Variants in RPS6KA2 observed in about 807,000 individuals in gnomAD.
RPS6KA2 encodes ribosomal protein S6 kinase A2, also known as ribosomal protein S6 kinase alpha-2.
A neutral mutation model predicts 91.8 loss-of-function variants in RPS6KA2; 42 were observed. That is an observed-to-expected ratio of 0.46 (90% CI 0.36 to 0.59). RPS6KA2 has a LOEUF of 0.59. Among genes scored for constraint, RPS6KA2 ranks in the 20% least tolerant of loss-of-function variants. The pLI, the probability that RPS6KA2 is intolerant of heterozygous loss-of-function variation, is 0.00. For missense variants in RPS6KA2, 798 were observed against 978.5 expected (o/e 0.82, Z 2.46); for synonymous variants, 414 against 393.6 (o/e 1.05, Z -0.61).
At chr6:166,660,765 G>A (rs1219498962) in intron 2 of RPS6KA2, among the ~76,000 whole-genome samples, 4 of 152,034 alleles carry the variant, frequency 2.6e-5, no homozygotes, top group Admixed American at 1.3e-4. Context: ...GCGTTTCCTC[G>A]GGTTTTCTGA....
At position 166,773,347 on chromosome 6, in the gene RPS6KA2, T is replaced by C. The variant is rs532694795; in HGVS notation, c.123+84853A>G. On this transcript the variant is annotated intron_variant, in intron 2 of 21. Transcript: ENST00000503859. ...GAGTCAGAGCCCCCACAGGAAATCC[T>C]GACTCCTGAAGCAATCCACTTTTCT... Among the ~76,000 whole-genome samples, 4 of 152,266 alleles carry C rather than the reference T, an allele frequency of 2.6e-5. No homozygotes were observed. The South Asian group carries it at 8.3e-4, about 32-fold the overall frequency.
At chr6:166,836,714 C>A (rs1325449852) in intron 2 of RPS6KA2, among the ~76,000 whole-genome samples, 1 of 152,188 alleles carries the variant, frequency 6.6e-6, no homozygotes, top group Non-Finnish European at 1.5e-5. Context: ...TTGGTTCTAG[C>A]GTCTGGGCCA....
rs1425278574 is a variant in RPS6KA2, at chr6:166,825,724, G to A, written c.123+32476C>T. 6.6e-6 allele frequency among the ~76,000 whole-genome samples: 1 copy of A among 152,038 alleles called. No individual in the cohort carries two copies. Among genetic ancestry groups the A allele is most frequent in the Non-Finnish European group, 1.5e-5 (1 of 68,000 alleles). ...GTGGAAGTGGTGAGGGAGCTTTCTG[G>A]GGTCTCCTTTATAAGGGCACTAATC... On this transcript the variant is annotated intron_variant, in intron 2 of 21. Coordinates refer to the RPS6KA2 transcript ENST00000503859. The surrounding 1 kb of genome is among the most constrained non-coding windows in gnomAD (Gnocchi z 4.1).
chr6:166,467,101 A>C (rs1158527782), intron 11 of RPS6KA2, among the ~76,000 whole-genome samples: 412 of 87,952 alleles, frequency 4.7e-3, no homozygotes, highest in Middle Eastern at 0.028. Flanking sequence ...TTCACTCTCT[A>C]ACTCACTCCC....
At chr6:166,695,092 G>C (rs547299032) in intron 2 of RPS6KA2, among the ~76,000 whole-genome samples, 3 of 152,286 alleles carry the variant, frequency 2.0e-5, no homozygotes, top group African/African-American at 7.2e-5. Flanking sequence ...AGCAAATAAC[G>C]ACATAGACAA....
intron 2 of RPS6KA2, among the ~76,000 whole-genome samples, chr6:166,813,905 TTTATGTTTGATATTTAAGTAGAACTG>T (rs796202117): frequency 5.9e-5 from 9 of 152,340 alleles, no homozygotes; most frequent in African/African-American, 2.2e-4. Context: ...CTTCAGCACA[TTTATGTTTGATATTTAAGTAGAACTG>T]TCTTGCACTT....
chr6:166,662,202 G>A lies in RPS6KA2; in HGVS notation c.124-123418C>T, dbSNP rs530648740. Among the ~76,000 whole-genome samples, 47 of 152,256 alleles carry A rather than the reference G, an allele frequency of 3.1e-4. No individual in the cohort carries two copies. The highest frequency in any genetic ancestry group is 7.5e-4 in the African/African-American group (31 of 41,546). On this transcript the variant is annotated intron_variant, in intron 2 of 21. Transcript: ENST00000503859. The surrounding 1 kb of genome is among the most constrained non-coding windows in gnomAD (Gnocchi z 4.3). ...TTCTTTTTAATCTTTGAAGATTATC[G>A]TAGGTGTTGAATTCTCTGCTTCATG...
At chr6:166,462,057 C>T (rs1272786410) in intron 11 of RPS6KA2, among the ~76,000 whole-genome samples, 5 of 152,380 alleles carry the variant, frequency 3.3e-5, no homozygotes, top group East Asian at 3.9e-4. Flanking sequence ...ATAACAGCCC[C>T]ACCACACAGC....
chr6:166,707,210 G>A (rs780198439), intron 2 of RPS6KA2, among the ~76,000 whole-genome samples: 4 of 152,232 alleles, frequency 2.6e-5, no homozygotes, highest in African/African-American at 7.2e-5. Flanking sequence ...CGGGGTTGCC[G>A]GGAAGGGGGC....
rs116247207 is a variant in RPS6KA2, at chr6:166,486,928, G to A, written c.907+1905C>T. On this transcript the variant is annotated intron_variant, in intron 10 of 20. Transcript: ENST00000265678. ...GCAGCTCCCAAAACAAGAATTAACCGGCCCAAAATGCAGACGGTGCAGAGC... is the reference window on the plus strand; with the variant it reads ...GCAGCTCCCAAAACAAGAATTAACCAGCCCAAAATGCAGACGGTGCAGAGC... Among the ~76,000 whole-genome samples, 950 of 152,324 alleles carry A rather than the reference G, an allele frequency of 6.2e-3. 14 individuals carry two copies. Among genetic ancestry groups the A allele is most frequent in the African/African-American group, 0.022 (896 of 41,570 alleles).
intron 2 of RPS6KA2, among the ~76,000 whole-genome samples, chr6:166,833,893 CT>C: frequency 6.6e-6 from 1 of 151,364 alleles, no homozygotes; most frequent in South Asian, 2.1e-4. Flanking sequence ...TTCTTTCTTT[CT>C]TTCTTTTTTT....
At chr6:166,701,385 T>A (rs1479828645) in intron 2 of RPS6KA2, 2 of 1,363,860 alleles carry the variant, frequency 1.5e-6, no homozygotes, top group Non-Finnish European at 2.1e-6. Context: ...ACCTCTTCTT[T>A]AGGACTAACG....
intron 2 of RPS6KA2, among the ~76,000 whole-genome samples, chr6:166,777,989 T>C (rs1472189451): frequency 6.6e-6 from 1 of 152,232 alleles, no homozygotes; most frequent in Non-Finnish European, 1.5e-5. Context: ...ATAGCAATTT[T>C]TCCAAAGTCA....
chr6:166,596,932 G>A (rs371798578), intron 1 of RPS6KA2, among the ~76,000 whole-genome samples: 8 of 152,224 alleles, frequency 5.3e-5, no homozygotes, highest in African/African-American at 1.9e-4. Context: ...TAGGGGTGAG[G>A]GGGATTTCGA....
intron 10 of RPS6KA2, among the ~76,000 whole-genome samples, chr6:166,470,207 C>T (rs534163587): frequency 1.3e-5 from 2 of 152,352 alleles, no homozygotes; most frequent in African/African-American, 4.8e-5. Flanking sequence ...GTGACGGCTG[C>T]CTAGCACCCC....
Position 166,500,997 on chromosome 6 carries a change from G to T in RPS6KA2, c.567-73C>A, listed in dbSNP as rs1049401250. Reference sequence around the variant, plus strand: ...TGCCGACGGGCACGCAGAGCTCAGAGGAGAGCTGCGGGGCAGCTGGGGGCG... The same window carrying T: ...TGCCGACGGGCACGCAGAGCTCAGATGAGAGCTGCGGGGCAGCTGGGGGCG... On this transcript the variant is annotated intron_variant, in intron 6 of 20. Transcript: ENST00000265678. The surrounding 1 kb of genome is among the most constrained non-coding windows in gnomAD (Gnocchi z 4.3). The T allele has an allele frequency of 1.3e-5, 18 of 1,409,958 alleles. No homozygotes were observed. In the African/African-American group the frequency reaches 2.4e-4, roughly 19 times the overall value. The allele number at this position is 1,409,958 out of a possible 1,614,324, so 87.3% of individuals were successfully genotyped here. A position where few individuals can be genotyped will look rare whatever the true frequency, so the allele number is the denominator to read the frequency against.
chr6:166,466,946 A>C, intron 11 of RPS6KA2, among the ~76,000 whole-genome samples: 1 of 150,256 alleles, frequency 6.7e-6, no homozygotes, highest in Non-Finnish European at 1.5e-5. Context: ...TGACTCACTC[A>C]TTAACTCACT....
chr6:166,434,236 A>G lies in RPS6KA2; in HGVS notation c.1333-1746T>C, dbSNP rs888246372. 3.9e-5 allele frequency among the ~76,000 whole-genome samples: 6 copies of G among 152,222 alleles called. No homozygotes were observed. Among genetic ancestry groups the G allele is most frequent in the African/African-American group, 1.4e-4 (6 of 41,458 alleles). On this transcript the variant is annotated intron_variant, in intron 14 of 20. Transcript: ENST00000265678. The surrounding 1 kb of genome is among the most constrained non-coding windows in gnomAD (Gnocchi z 4.4). ...CTGCCACGGCCACCATTCAGCTGTG[A>G]CTGCATCAGTGGCCCATGATCTGTG...
Position 166,412,507 on chromosome 6 carries a change from G to A in RPS6KA2, c.*255C>T, listed in dbSNP as rs906936803. The A allele has an allele frequency of 1.8e-5, 6 of 331,830 alleles. No individual in the cohort carries two copies. Among genetic ancestry groups the A allele is most frequent in the Admixed American group, 9.5e-5 (2 of 21,052 alleles). The allele number at this position is 331,830 out of a possible 1,614,324, so 20.6% of individuals were successfully genotyped here. On this transcript the variant is annotated 3_prime_UTR_variant, in exon 21 of 21. Coordinates refer to ENST00000265678, the MANE Select transcript of RPS6KA2 (RefSeq NM_021135.6). The surrounding 1 kb of genome is among the most constrained non-coding windows in gnomAD (Gnocchi z 4.3). Reference sequence around the variant, plus strand: ...GAAGCCCCCGGCCTCGCACGGGCACGCGAGGTGAAGGGGCGCATTTGGTTT... The same window carrying A: ...GAAGCCCCCGGCCTCGCACGGGCACACGAGGTGAAGGGGCGCATTTGGTTT...
Sources: allele counts gnomAD v4.1 joint callset (sites outside exome capture counted in the v4.1 genomes callset), GRCh38; gene constraint gnomAD v4.1.1; non-coding constraint Gnocchi (gnomAD v3.1); transcripts MANE v1.5; gene names NCBI Gene and HGNC (gene_info 2026-07-23, HGNC 2026-07-21).